The following GCGR variants were observed in gnomAD, a reference collection of about 807,000 sequenced individuals.
The protein encoded by GCGR is glucagon receptor.
In GCGR, 41 loss-of-function variants were observed where a neutral mutation model predicts 56.1. The ratio of observed to expected loss-of-function variants is 0.73; its 90% CI spans 0.57 to 0.95. The LOEUF is 0.95. Among genes scored for constraint, GCGR ranks in the 40% least tolerant of loss-of-function variants. The pLI is 0.00. For synonymous variants in GCGR, 278 were observed against 271.1 expected (o/e 1.03, Z -0.25); for missense variants, 595 against 638.2 (o/e 0.93, Z 0.73).
At chr17:81,809,746 T>TCTGC in intron 2 of GCGR, 36 bp from the exon 3 acceptor site, 1 of 1,239,320 alleles carries the variant, frequency 8.1e-7, no homozygotes, top group Admixed American at 2.5e-5. Flanking sequence ...TGCCTGTCTG[T>TCTGC]CTGTCTGTCT....
intron 1 of GCGR, among the ~76,000 whole-genome samples, chr17:81,807,182 C>T (rs1174488127): frequency 3.9e-5 from 6 of 152,202 alleles, no homozygotes; most frequent in African/African-American, 7.2e-5. Flanking sequence ...ACCCGCCTGC[C>T]GCTGTCTCCG....
chr17:81,811,636 C>G lies in GCGR; in HGVS notation c.658-15C>G. On this transcript the variant is annotated splice_polypyrimidine_tract_variant and intron_variant, in intron 7 of 13. Transcript: ENST00000400723. This position sits in a 1 kb window ranked among gnomAD's most constrained non-coding sequence, Gnocchi z 5.8. ...AGGTGGCCACGTAGCCGCGCTCACACTGCACCTGTACCAGGCGGTGGCTGG... is the reference window on the plus strand; with the variant it reads ...AGGTGGCCACGTAGCCGCGCTCACAGTGCACCTGTACCAGGCGGTGGCTGG... The G allele has an allele frequency of 6.5e-7, 1 of 1,536,264 alleles. No homozygotes were observed. Among genetic ancestry groups the G allele is most frequent in the South Asian group, 1.2e-5 (1 of 84,054 alleles).
At position 81,806,144 on chromosome 17, in the gene GCGR, G is replaced by T. The variant is rs555274613; in HGVS notation, c.-178+1895G>T. Among the ~76,000 whole-genome samples the T allele has an allele frequency of 6.6e-6, 1 of 152,164 alleles. No homozygotes were observed. The highest frequency in any genetic ancestry group is 6.5e-5 in the Admixed American group (1 of 15,292). On this transcript the variant is annotated intron_variant, in intron 1 of 13. Transcript: ENST00000400723. The surrounding 1 kb of genome is among the most constrained non-coding windows in gnomAD (Gnocchi z 6.5). ...AGGCTCTCTCATGGGTGCTCAGCTG[G>T]AAATTGGTCCCCCCCCGGCTCCACC...
Position 81,804,935 on chromosome 17 carries a change from A to G in GCGR, c.-178+686A>G, listed in dbSNP as rs1180833212. Among the ~76,000 whole-genome samples, 1 of 152,106 alleles carries G rather than the reference A, an allele frequency of 6.6e-6. No individual in the cohort carries two copies. The highest frequency in any genetic ancestry group is 2.4e-5 in the African/African-American group (1 of 41,438). On this transcript the variant is annotated intron_variant, in intron 1 of 13. Coordinates refer to ENST00000400723, the MANE Select transcript of GCGR (RefSeq NM_000160.5). The surrounding 1 kb of genome is among the most constrained non-coding windows in gnomAD (Gnocchi z 8.2). ...CGCCCGCATCCTCCAAGGACCGGCC[A>G]GGGCTGCTCTCTGCCCTTGGTATTG...
At position 81,811,100 on chromosome 17, in the gene GCGR, G is replaced by T. The variant is rs1431639891; in HGVS notation, c.362G>T (p.Cys121Phe). ...CAGCCTTGGCGTGATGCCTCCCAGT[G>T]CCAGATGGATGGCGAGGAGATTGAG... ...RGQPWRDASQ[C>F]QMDGEEIEVQ... Residue 121 changes from cysteine to phenylalanine, a missense_variant, in exon 5 of 14, where the codon TGC becomes TTC. By Grantham distance (205) the Cys-to-Phe change is radical. Transcript: ENST00000400723. The surrounding 1 kb of genome is among the most constrained non-coding windows in gnomAD (Gnocchi z 5.8). 2 of 1,536,250 alleles carry T rather than the reference G, an allele frequency of 1.3e-6. No individual in the cohort carries two copies. The highest frequency in any genetic ancestry group is 2.4e-5 in the South Asian group (2 of 84,064).
intron 2 of GCGR, 89 bp downstream of exon 2, chr17:81,809,167 C>CCTGT (rs3064374): frequency 2.5e-5 from 34 of 1,367,110 alleles, no homozygotes; most frequent in Non-Finnish European, 3.4e-5. Context: ...TGCCTGCCTG[C>CCTGT]CTGTCTGCCT....
In GCGR at chr17:81,811,643, T is replaced by C. The variant is rs1429675695; in HGVS notation, c.658-8T>C. On this transcript the variant is annotated splice_polypyrimidine_tract_variant and splice_region_variant and intron_variant, in intron 7 of 13. Coordinates refer to ENST00000400723, the MANE Select transcript of GCGR (RefSeq NM_000160.5). The surrounding 1 kb of genome is among the most constrained non-coding windows in gnomAD (Gnocchi z 5.8). Reference sequence around the variant, plus strand: ...CACGTAGCCGCGCTCACACTGCACCTGTACCAGGCGGTGGCTGGCTGCCGT... The same window carrying C: ...CACGTAGCCGCGCTCACACTGCACCCGTACCAGGCGGTGGCTGGCTGCCGT... The C allele has an allele frequency of 1.3e-6, 2 of 1,536,196 alleles. No individual in the cohort carries two copies. The highest frequency in any genetic ancestry group is 2.4e-5 in the East Asian group (1 of 40,934).
Position 81,810,995 on chromosome 17 carries a change from C to T in GCGR, c.272-15C>T, listed in dbSNP as rs990630365. On this transcript the variant is annotated splice_polypyrimidine_tract_variant and intron_variant, in intron 4 of 13. Transcript: ENST00000400723. The surrounding 1 kb of genome is among the most constrained non-coding windows in gnomAD (Gnocchi z 4.6). ...CCAGGGTGGGGCTGACCCCAGCCTCCCCCCACACCCCCAGTGCAACACCGC... is the reference window on the plus strand; with the variant it reads ...CCAGGGTGGGGCTGACCCCAGCCTCTCCCCACACCCCCAGTGCAACACCGC... 1.6e-5 allele frequency: 24 copies of T among 1,535,660 alleles called. No individual in the cohort carries two copies. The African/African-American group carries it at 2.5e-4, about 16-fold the overall frequency.
rs1598232091 is a variant in GCGR at position 81,806,465 on chromosome 17, C to T, written c.-178+2216C>T. 6.6e-6 allele frequency among the ~76,000 whole-genome samples: 1 copy of T among 152,136 alleles called. No individual in the cohort carries two copies. Among genetic ancestry groups the T allele is most frequent in the African/African-American group, 2.4e-5 (1 of 41,426 alleles). ...CTGTTGAGGCTGAGGGGACACAGAG[C>T]CCCACTCCTGGGTCCTGACTGTTTC... On this transcript the variant is annotated intron_variant, in intron 1 of 13. Coordinates refer to ENST00000400723, the MANE Select transcript of GCGR (RefSeq NM_000160.5). The surrounding 1 kb of genome is among the most constrained non-coding windows in gnomAD (Gnocchi z 6.5).
At position 81,810,783 on chromosome 17, in the gene GCGR, CCTGCCCTGCCCTGCT is replaced by C; in HGVS notation, c.164-29_164-15del. The C allele has an allele frequency of 1.3e-6, 2 of 1,514,012 alleles. No individual in the cohort carries two copies. 93.8% of individuals were successfully genotyped at this position (1,514,012 alleles called of 1,614,324 possible). A position where few individuals can be genotyped will look rare whatever the true frequency, so the allele number is the denominator to read the frequency against. On this transcript the variant is annotated intron_variant, in intron 3 of 13. Coordinates refer to ENST00000400723, the MANE Select transcript of GCGR (RefSeq NM_000160.5). This position sits in a 1 kb window ranked among gnomAD's most constrained non-coding sequence, Gnocchi z 4.6. ...CTGCTGAGGGAGCCCCTTCTCCCACCCTGCCCTGCCCTGCTCTGCCCTGCCCTACCCTACCCTGCA... is the reference window on the plus strand; with the variant it reads ...CTGCTGAGGGAGCCCCTTCTCCCACCCTGCCCTGCCCTACCCTACCCTGCA...
chr17:81,809,112 C>G, intron 2 of GCGR, 34 bp downstream of exon 2: 1 of 1,531,948 alleles, frequency 6.5e-7, no homozygotes, highest in Non-Finnish European at 8.7e-7. Context: ...CACCCAGGGG[C>G]CCTCCTGTGA....
chr17:81,810,687 A>G lies in GCGR; in HGVS notation c.164-138A>G. The G allele has an allele frequency of 1.3e-6, 1 of 755,092 alleles. No homozygotes were observed. Among genetic ancestry groups the G allele is most frequent in the Admixed American group, 2.3e-5 (1 of 44,246 alleles). 46.8% of individuals were successfully genotyped at this position (755,092 alleles called of 1,614,324 possible). A position where few individuals can be genotyped will look rare whatever the true frequency, so the allele number is the denominator to read the frequency against. On this transcript the variant is annotated intron_variant, in intron 3 of 13. Transcript: ENST00000400723. The surrounding 1 kb of genome is among the most constrained non-coding windows in gnomAD (Gnocchi z 4.6). ...GGGGGAGGTGGAGGTCAAGTGGGGG[A>G]GGGAGCAGCCCAGGCCATGTCCTGG...
chr17:81,810,777 TC>T lies in GCGR; in HGVS notation c.164-45del. The stretch of plus-strand genomic sequence containing the variant: ...AGAGGCCTGCTGAGGGAGCCCCTTC[TC>T]CCACCCTGCCCTGCCCTGCTCTGCC... On this transcript the variant is annotated intron_variant, in intron 3 of 13. Coordinates refer to ENST00000400723, the MANE Select transcript of GCGR (RefSeq NM_000160.5). This position sits in a 1 kb window ranked among gnomAD's most constrained non-coding sequence, Gnocchi z 4.6. 1.3e-6 allele frequency: 2 copies of T among 1,500,508 alleles called. No individual in the cohort carries two copies. Among genetic ancestry groups the T allele is most frequent in the East Asian group, 2.5e-5 (1 of 40,690 alleles). The allele number at this position is 1,500,508 out of a possible 1,614,324, so 92.9% of individuals were successfully genotyped here.
In GCGR at chr17:81,813,941, C is replaced by T. The variant is rs2038159980; in HGVS notation, c.*252C>T. The stretch of plus-strand genomic sequence containing the variant: ...TGTGCCGTGAACTGCGTGCCAGTGT[C>T]CCCACGTATGTCGGCACGTCCCATG... On this transcript the variant is annotated 3_prime_UTR_variant, in exon 14 of 14. Transcript: ENST00000400723. This position sits in a 1 kb window ranked among gnomAD's most constrained non-coding sequence, Gnocchi z 5.3. The T allele has an allele frequency of 3.6e-6, 2 of 553,554 alleles. No individual in the cohort carries two copies. The highest frequency in any genetic ancestry group is 6.5e-6 in the Non-Finnish European group (2 of 309,540). The allele number at this position is 553,554 out of a possible 1,614,324, so 34.3% of individuals were successfully genotyped here.
In GCGR at chr17:81,812,743, GC is replaced by G; in HGVS notation, c.1038-63del. The G allele has an allele frequency of 6.5e-7, 1 of 1,531,040 alleles. No homozygotes were observed. Among genetic ancestry groups the G allele is most frequent in the Middle Eastern group, 1.7e-4 (1 of 5,906 alleles). 94.8% of individuals were successfully genotyped at this position (1,531,040 alleles called of 1,614,324 possible). A position where few individuals can be genotyped will look rare whatever the true frequency, so the allele number is the denominator to read the frequency against. On this transcript the variant is annotated intron_variant, in intron 11 of 13. Transcript: ENST00000400723. The surrounding 1 kb of genome is among the most constrained non-coding windows in gnomAD (Gnocchi z 8.5). ...GGGCAGCTGGGGGTGGGGACTCCAA[GC>G]TCCACGTGGATGGTGCGGGCCGAGG...
rs546177930 is a variant in GCGR, at chr17:81,813,309, C to T, written c.1219-165C>T. 5.3e-5 allele frequency among the ~76,000 whole-genome samples: 8 copies of T among 152,282 alleles called. No homozygotes were observed. In the South Asian group the frequency reaches 1.7e-3, roughly 32 times the overall value. ...TCCCCAGGTGTCTGCAGACTGCTTT[C>T]CGTGGCGATGCTGGGTGGCATAGCT... On this transcript the variant is annotated intron_variant, in intron 13 of 13. Transcript: ENST00000400723. The surrounding 1 kb of genome is among the most constrained non-coding windows in gnomAD (Gnocchi z 5.3).
Position 81,813,964 on chromosome 17 carries a change from A to G in GCGR, c.*275A>G, listed in dbSNP as rs1054200811. 3 of 501,928 alleles carry G rather than the reference A, an allele frequency of 6.0e-6. No individual in the cohort carries two copies. The highest frequency in any genetic ancestry group is 1.1e-5 in the Non-Finnish European group (3 of 278,342). 31.1% of individuals were successfully genotyped at this position (501,928 alleles called of 1,614,324 possible). ...GTCCCCACGTATGTCGGCACGTCCC[A>G]TGTGCATGGAAATGTCCTCCAACAA... On this transcript the variant is annotated 3_prime_UTR_variant, in exon 14 of 14. Coordinates refer to ENST00000400723, the MANE Select transcript of GCGR (RefSeq NM_000160.5). This position sits in a 1 kb window ranked among gnomAD's most constrained non-coding sequence, Gnocchi z 5.3.
chr17:81,809,234 G>A (rs1030555702), intron 2 of GCGR, among the ~76,000 whole-genome samples, 156 bp downstream of exon 2: 30 of 147,974 alleles, frequency 2.0e-4, no homozygotes, highest in African/African-American at 6.0e-4. Context: ...CTGCCTGTCC[G>A]TCTGTCTGTC....
In GCGR at chr17:81,811,224, G is replaced by GGT; in HGVS notation, c.397_398insTG (p.Glu133ValfsTer12). 1.3e-6 allele frequency: 2 copies of GGT among 1,536,344 alleles called. No individual in the cohort carries two copies. Among genetic ancestry groups the GGT allele is most frequent in the Non-Finnish European group, 1.7e-6 (2 of 1,146,816 alleles). On this transcript the variant is annotated frameshift_variant, in exon 6 of 14. Transcript: ENST00000400723. LOFTEE classifies it high-confidence loss of function. This position sits in a 1 kb window ranked among gnomAD's most constrained non-coding sequence, Gnocchi z 5.8. ...TCACAGGCCACTGTAACTCGCAGAA[G>GGT]GAGGTGGCCAAGATGTACAGCAGCT... is the stretch of plus-strand genomic sequence containing the variant.
Sources: allele counts gnomAD v4.1 joint callset (sites outside exome capture counted in the v4.1 genomes callset), GRCh38; gene constraint gnomAD v4.1.1; non-coding constraint Gnocchi (gnomAD v3.1); transcripts MANE v1.5; gene names NCBI Gene and HGNC (gene_info 2026-07-23, HGNC 2026-07-21).